The following SLC36A1 variants were observed in gnomAD, a reference collection of about 807,000 sequenced individuals.
The protein encoded by SLC36A1 is proton-coupled amino acid transporter 1.
A neutral mutation model predicts 47.5 loss-of-function variants in SLC36A1; 30 were observed. That is an observed-to-expected ratio of 0.63 (90% CI 0.47 to 0.86). SLC36A1 has a LOEUF of 0.86. Among genes scored for constraint, SLC36A1 ranks in the 40% least tolerant of loss-of-function variants. SLC36A1 has a pLI of 0.00. For synonymous variants in SLC36A1, 255 were observed against 249.7 expected, an observed-to-expected ratio of 1.02 and a Z score of -0.20; for missense variants, 517 against 606.0, an observed-to-expected ratio of 0.85 and a Z score of 1.54.
At chr5:151,483,620 C>T (rs1439201349) in intron 10 of SLC36A1, among the ~76,000 whole-genome samples, 1 of 152,066 alleles carries the variant, frequency 6.6e-6, no homozygotes, top group Admixed American at 6.5e-5. Context: ...CTTTAACTCA[C>T]AGAAGACATT....
At position 151,483,583 on chromosome 5, in the gene SLC36A1, A is replaced by G. The variant is rs186435670; in HGVS notation, c.1159+4094A>G. 5.3e-5 allele frequency among the ~76,000 whole-genome samples: 8 copies of G among 151,452 alleles called. No homozygotes were observed. The East Asian group carries it at 1.2e-3, about 22-fold the overall frequency. Reference sequence around the variant, plus strand: ...TGGCTGGCTGCTTCCTGAGATATCTACCTTGTTGAGTGTCTCTTCATAGGC... The same window carrying G: ...TGGCTGGCTGCTTCCTGAGATATCTGCCTTGTTGAGTGTCTCTTCATAGGC... On this transcript the variant is annotated intron_variant, in intron 10 of 10. Coordinates refer to ENST00000243389, the MANE Select transcript of SLC36A1 (RefSeq NM_078483.4).
the SLC36A1 span, chr5:151,546,233 C>A: frequency 1.2e-6 from 2 of 1,614,126 alleles, no homozygotes; most frequent in Non-Finnish European, 8.5e-7. Flanking sequence ...TGATCTTCTG[C>A]CTTCACTGTC....
the SLC36A1 span, among the ~76,000 whole-genome samples, chr5:151,424,033 C>G: frequency 6.6e-6 from 1 of 152,198 alleles, no homozygotes; most frequent in Non-Finnish European, 1.5e-5. Flanking sequence ...AGACTAAGAA[C>G]TCTGCCATTT....
At chr5:151,441,160 G>T (rs1561712477) in intron 1 of SLC36A1, among the ~76,000 whole-genome samples, 1 of 152,242 alleles carries the variant, frequency 6.6e-6, no homozygotes, top group Non-Finnish European at 1.5e-5. Context: ...TGCTAGTGAT[G>T]TGCAGTGGCA....
intron 1 of SLC36A1, among the ~76,000 whole-genome samples, chr5:151,441,835 A>G (rs770012298): frequency 3.9e-5 from 6 of 152,210 alleles, no homozygotes; most frequent in Non-Finnish European, 5.9e-5. Context: ...GATAAGTTTC[A>G]ACATATATAT....
the SLC36A1 span, among the ~76,000 whole-genome samples, chr5:151,406,050 G>A: frequency 6.6e-6 from 1 of 152,192 alleles, no homozygotes; most frequent in Non-Finnish European, 1.5e-5. Context: ...GGGGATGAGA[G>A]GGTAAAAGAT....
the SLC36A1 span, among the ~76,000 whole-genome samples, chr5:151,417,696 G>A: frequency 1.9e-3 from 275 of 146,920 alleles, 3 homozygotes; most frequent in Non-Finnish European, 2.8e-3. Flanking sequence ...ATTTAAAAGG[G>A]AAGCAGAGCA....
At chr5:151,540,649 G>T in the SLC36A1 span, 1 of 1,614,194 alleles carries the variant, frequency 6.2e-7, no homozygotes, top group Non-Finnish European at 8.5e-7. Flanking sequence ...GCCATCAGAT[G>T]CTGTGACTCT....
chr5:151,524,458 G>A, the SLC36A1 span, among the ~76,000 whole-genome samples: 4 of 152,156 alleles, frequency 2.6e-5, no homozygotes, highest in African/African-American at 7.2e-5. Context: ...ATGAGAAGCC[G>A]ACAGTCTGCC....
At chr5:151,376,124 ATGGGTT>A in the SLC36A1 span, among the ~76,000 whole-genome samples, 1 of 152,184 alleles carries the variant, frequency 6.6e-6, no homozygotes, top group East Asian at 1.9e-4. Context: ...GGTATTGGCC[ATGGGTT>A]TGTTGTATAC....
At chr5:151,348,717 C>A in the SLC36A1 span, among the ~76,000 whole-genome samples, 1 of 152,176 alleles carries the variant, frequency 6.6e-6, no homozygotes, top group African/African-American at 2.4e-5. Context: ...TGTGGGTTAG[C>A]TTTGTTAGTT....
the SLC36A1 span, among the ~76,000 whole-genome samples, chr5:151,532,388 AAC>A: frequency 0.16 from 24,329 of 150,244 alleles, 2,201 homozygotes; most frequent in Admixed American, 0.26. Context: ...TGCGTGTACA[AAC>A]ACACACACAC....
At chr5:151,505,395 T>C in the SLC36A1 span, 3 of 772,060 alleles carry the variant, frequency 3.9e-6, no homozygotes, top group Non-Finnish European at 6.2e-6. Context: ...CCCTCCACCC[T>C]CAGGGACTAG....
intron 6 of SLC36A1, 100 bp downstream of exon 6, chr5:151,467,383 T>C: frequency 1.2e-6 from 1 of 837,442 alleles, no homozygotes; most frequent in Non-Finnish European, 1.9e-6. Flanking sequence ...AAATCAGCTT[T>C]TGTCAACAAA....
At chr5:151,550,722 G>C in the SLC36A1 span, 1 of 1,614,206 alleles carries the variant, frequency 6.2e-7, no homozygotes, top group South Asian at 1.1e-5. Flanking sequence ...GTATGGTATA[G>C]ATGAGGCTTT....
chr5:151,544,360 G>A, the SLC36A1 span: 3 of 1,614,180 alleles, frequency 1.9e-6, no homozygotes, highest in East Asian at 2.2e-5. Flanking sequence ...TTCCACTGTG[G>A]CTTCAGAAAA....
chr5:151,513,619 G>A, the SLC36A1 span, among the ~76,000 whole-genome samples: 1,592 of 72,240 alleles, frequency 0.022, 29 homozygotes, highest in African/African-American at 0.061. Context: ...AGAAGGTTAA[G>A]GACAAAAAAC....
chr5:151,551,186 C>T, the SLC36A1 span, among the ~76,000 whole-genome samples: 2 of 152,184 alleles, frequency 1.3e-5, no homozygotes, highest in Non-Finnish European at 2.9e-5. Context: ...GCCCCACTTA[C>T]CCAACCATCA....
upstream of SLC36A1, among the ~76,000 whole-genome samples, chr5:151,433,168 G>T (rs1182065214): frequency 8.1e-6 from 1 of 123,086 alleles, no homozygotes; most frequent in African/African-American, 3.0e-5. Context: ...AATATGACAG[G>T]CTAGGTAACC....
Sources: gnomAD v4.1 joint callset for allele counts (sites outside exome capture counted in the v4.1 genomes callset) on GRCh38, gnomAD v4.1.1 for gene constraint, MANE v1.5 for transcripts, NCBI Gene and HGNC (gene_info 2026-07-23, HGNC 2026-07-21) for gene names.